Variants in PTPRN2 observed in about 807,000 individuals in gnomAD.
The protein encoded by PTPRN2 is receptor-type tyrosine-protein phosphatase N2.
In PTPRN2, 74 loss-of-function variants were observed where a neutral mutation model predicts 118.8. The observed-to-expected ratio is 0.62, with a 90% confidence interval of 0.52 to 0.76. The LOEUF (loss-of-function observed/expected upper bound fraction) is 0.76, where lower values mean the gene tolerates loss of function less well. Ranked by LOEUF, PTPRN2 falls within the 30% of genes least tolerant of loss-of-function variation. The probability of loss-of-function intolerance (pLI) is 0.00; values close to 1 mark genes in which losing one functional copy is unlikely to be tolerated. For missense variants in PTPRN2, 1,481 were observed against 1,394.4 expected, an observed-to-expected ratio of 1.06 and a Z score of -0.99; for synonymous variants, 641 against 608.0, an observed-to-expected ratio of 1.05 and a Z score of -0.80.
chr7:157,551,883 C>T (rs1798646885), intron 21 of PTPRN2, among the ~76,000 whole-genome samples: 1 of 148,378 alleles, frequency 6.7e-6, no homozygotes, highest in Non-Finnish European at 1.5e-5. Context: ...CCACGCACCC[C>T]ACAGCCACCA....
chr7:158,179,679 A>C (rs936948125), intron 5 of PTPRN2, among the ~76,000 whole-genome samples: 19 of 152,132 alleles, frequency 1.2e-4, no homozygotes, highest in African/African-American at 4.6e-4. Context: ...AGAGATAATG[A>C]GGTAGGAGGC....
Position 157,840,339 on chromosome 7 carries a change from C to CGTGTGGCCGCGTGTGACT in PTPRN2, c.1788+58316_1788+58333dup, listed in dbSNP as rs1563160500. Among the ~76,000 whole-genome samples the CGTGTGGCCGCGTGTGACT allele has an allele frequency of 6.0e-5, 6 of 99,654 alleles. No individual in the cohort carries two copies. In the East Asian group the frequency reaches 1.1e-3, roughly 19 times the overall value. 65.4% of individuals were successfully genotyped at this position (99,654 alleles called of 152,430 possible). A position where few individuals can be genotyped will look rare whatever the true frequency, so the allele number is the denominator to read the frequency against. On this transcript the variant is annotated intron_variant, in intron 12 of 22. Coordinates refer to ENST00000389418, the MANE Select transcript of PTPRN2 (RefSeq NM_002847.5). The stretch of plus-strand genomic sequence containing the variant: ...CGTGTGACTGTGTGACCGCGTGTGA[C>CGTGTGGCCGCGTGTGACT]GTGTGGCCGCGTGTGACTGTGTGGC...
chr7:157,639,301 G>A (rs1804527869), intron 14 of PTPRN2, among the ~76,000 whole-genome samples: 1 of 152,182 alleles, frequency 6.6e-6, no homozygotes, highest in South Asian at 2.1e-4. Flanking sequence ...CTCCCAAAGT[G>A]TTGGGGTTAC....
At chr7:157,865,705 G>A (rs771676593) in intron 12 of PTPRN2, 1 of 152,246 alleles carries the variant, frequency 6.6e-6, no homozygotes, top group Non-Finnish European at 1.5e-5. Context: ...GCCTCTGTGT[G>A]CAAGACGGGC....
At chr7:158,471,451 A>T (rs1447930038) in intron 2 of PTPRN2, among the ~76,000 whole-genome samples, 2 of 152,206 alleles carry the variant, frequency 1.3e-5, no homozygotes, top group Admixed American at 1.3e-4. Context: ...GCACTTTGGG[A>T]GGCCGACGCG....
intron 2 of PTPRN2, among the ~76,000 whole-genome samples, chr7:158,331,170 C>T (rs1309050049): frequency 7.0e-6 from 1 of 142,794 alleles, no homozygotes; most frequent in Non-Finnish European, 1.5e-5. Context: ...CACACTCTCA[C>T]CAGAAGAGCT....
intron 11 of PTPRN2, among the ~76,000 whole-genome samples, chr7:158,057,159 A>G (rs923905336): frequency 2.0e-5 from 3 of 152,202 alleles, no homozygotes; most frequent in East Asian, 1.9e-4. Context: ...ATTCTATTTT[A>G]TGATAAATAC....
intron 1 of PTPRN2, among the ~76,000 whole-genome samples, chr7:158,560,710 C>T (rs1044858365): frequency 3.3e-5 from 5 of 152,194 alleles, no homozygotes; most frequent in African/African-American, 1.2e-4. Flanking sequence ...TTCATGAAGC[C>T]CTTTGAGAAC....
At chr7:158,337,306 A>T in intron 2 of PTPRN2, among the ~76,000 whole-genome samples, 1 of 147,268 alleles carries the variant, frequency 6.8e-6, no homozygotes, top group East Asian at 2.1e-4. Context: ...GCTGTCACGC[A>T]CAGACATCAT....
At chr7:158,178,333 T>C (rs1259820366) in intron 5 of PTPRN2, among the ~76,000 whole-genome samples, 1 of 152,090 alleles carries the variant, frequency 6.6e-6, no homozygotes, top group African/African-American at 2.4e-5. Flanking sequence ...ATGTAGGTTT[T>C]TTTATCCCTC....
At chr7:157,938,070 C>G (rs1182370539) in intron 11 of PTPRN2, among the ~76,000 whole-genome samples, 4 of 152,186 alleles carry the variant, frequency 2.6e-5, no homozygotes, top group Non-Finnish European at 5.9e-5. Context: ...CAATGTGAAC[C>G]CCGGCTGTTC....
rs1371697837 is a variant in PTPRN2, at chr7:157,611,406, G to C, written c.2345-7331C>G. On this transcript the variant is annotated intron_variant, in intron 15 of 22. Coordinates refer to ENST00000389418, the MANE Select transcript of PTPRN2 (RefSeq NM_002847.5). The surrounding 1 kb of genome is among the most constrained non-coding windows in gnomAD (Gnocchi z 5.9). ...GAACTCCCCAGGCAGGGCTATGCGGGGGCAGAATGCAGGGGGAACAGACGC... is the reference window on the plus strand; with the variant it reads ...GAACTCCCCAGGCAGGGCTATGCGGCGGCAGAATGCAGGGGGAACAGACGC... Among the ~76,000 whole-genome samples, 1 of 152,070 alleles carries C rather than the reference G, an allele frequency of 6.6e-6. No individual in the cohort carries two copies. The highest frequency in any genetic ancestry group is 1.9e-4 in the East Asian group (1 of 5,176).
At chr7:158,073,586 C>T (rs1468957854) in intron 11 of PTPRN2, among the ~76,000 whole-genome samples, 1 of 151,256 alleles carries the variant, frequency 6.6e-6, no homozygotes. Flanking sequence ...GGAGATGAAG[C>T]CGCTTCCTAC....
At chr7:157,731,489 C>T (rs138361359) in intron 12 of PTPRN2, among the ~76,000 whole-genome samples, 29,797 of 96,352 alleles carry the variant, frequency 0.31, 4,020 homozygotes, top group African/African-American at 0.4. Flanking sequence ...GTTACCCTTT[C>T]CCGTCCCATG....
Position 157,550,865 on chromosome 7 carries a change from C to G in PTPRN2, c.2903-1846G>C, listed in dbSNP as rs1798566214. Among the ~76,000 whole-genome samples, 1 of 152,182 alleles carries G rather than the reference C, an allele frequency of 6.6e-6. No homozygotes were observed. Among genetic ancestry groups the G allele is most frequent in the African/African-American group, 2.4e-5 (1 of 41,434 alleles). On this transcript the variant is annotated intron_variant, in intron 21 of 22. Transcript: ENST00000389418. This position sits in a 1 kb window ranked among gnomAD's most constrained non-coding sequence, Gnocchi z 5.2. ...ATTGCTCCTTTTGGGTCTCCAAAGG[C>G]CTAAAAAGTCGACAAGGCTACAGTA...
chr7:158,232,249 A>C (rs1414934973), intron 3 of PTPRN2, among the ~76,000 whole-genome samples: 3 of 152,136 alleles, frequency 2.0e-5, no homozygotes, highest in African/African-American at 7.2e-5. Context: ...CAAATAAATA[A>C]AGTCAGAAAT....
chr7:158,343,233 G>A (rs140586919), intron 2 of PTPRN2, among the ~76,000 whole-genome samples: 8 of 152,212 alleles, frequency 5.3e-5, no homozygotes, highest in East Asian at 3.9e-4. Context: ...GATTAAAAAC[G>A]GGTAAAGGAC....
Position 157,582,874 on chromosome 7 carries a change from CAA to C in PTPRN2, c.2497-4736_2497-4735del, listed in dbSNP as rs112054959. 4.0e-3 allele frequency among the ~76,000 whole-genome samples: 474 copies of C among 117,602 alleles called. 3 individuals are homozygous for C. Among genetic ancestry groups the C allele is most frequent in the African/African-American group, 0.015 (451 of 30,988 alleles). 77.2% of individuals were successfully genotyped at this position (117,602 alleles called of 152,430 possible). A position where few individuals can be genotyped will look rare whatever the true frequency, so the allele number is the denominator to read the frequency against. On this transcript the variant is annotated intron_variant, in intron 17 of 22. Transcript: ENST00000389418. ...GGGTAACAAGAGCAAAACTCCACCT[CAA>C]AAAAAAAAAACAAAACAAAAAAAAC...
intron 1 of PTPRN2, among the ~76,000 whole-genome samples, chr7:158,522,733 G>A (rs558375607): frequency 7.9e-5 from 12 of 152,318 alleles, no homozygotes; most frequent in Middle Eastern, 3.4e-3. Flanking sequence ...CAGCCCAGGG[G>A]TTGGCACAGT....
Sources: allele counts gnomAD v4.1 joint callset (sites outside exome capture counted in the v4.1 genomes callset), GRCh38; gene constraint gnomAD v4.1.1; non-coding constraint Gnocchi (gnomAD v3.1); transcripts MANE v1.5; gene names NCBI Gene and HGNC (gene_info 2026-07-23, HGNC 2026-07-21).